TBL1X: variants seen among roughly 807,000 people sequenced by gnomAD.
TBL1X encodes the protein F-box-like/WD repeat-containing protein TBL1X.
In TBL1X, 10 loss-of-function variants were observed where a neutral mutation model predicts 50.7. That is an observed-to-expected ratio of 0.20 (90% CI 0.12 to 0.33). TBL1X has a LOEUF of 0.33. TBL1X is among the 10% of genes least tolerant of loss of function. The probability of loss-of-function intolerance (pLI) is 1.00; values close to 1 mark genes in which losing one functional copy is unlikely to be tolerated. For missense variants in TBL1X, 340 were observed against 504.4 expected (o/e 0.67, Z 3.12); for synonymous variants, 190 against 214.7 (o/e 0.88, Z 1.01).
chrX:9,670,269 A>G (rs939153730), intron 5 of TBL1X, among the ~76,000 whole-genome samples: 1 of 110,912 alleles, frequency 9.0e-6, no homozygotes, highest in Non-Finnish European at 1.9e-5. Context: ...CCTGCGAACA[A>G]CCGGTCCTGT....
At chrX:9,486,155 T>C (rs1334561856) in intron 1 of TBL1X, among the ~76,000 whole-genome samples, 1 of 111,246 alleles carries the variant, frequency 9.0e-6, no homozygotes, top group East Asian at 2.8e-4. Context: ...TGAAGCCTGC[T>C]ACCTGGAGGC....
intron 2 of TBL1X, among the ~76,000 whole-genome samples, chrX:9,594,162 A>G (rs2082516409): frequency 8.9e-6 from 1 of 112,915 alleles, no homozygotes; most frequent in African/African-American, 3.2e-5. Flanking sequence ...TGCGTCACAC[A>G]TAGAGTGGCT....
chrX:9,592,057 A>T (rs1382466905), intron 2 of TBL1X, among the ~76,000 whole-genome samples: 1 of 112,244 alleles, frequency 8.9e-6, no homozygotes, highest in Non-Finnish European at 1.9e-5. Flanking sequence ...TCCCTTAAAC[A>T]TCTTTACATT....
chrX:9,678,194 G>C (rs57805799), intron 5 of TBL1X, among the ~76,000 whole-genome samples: 20,092 of 110,946 alleles, frequency 0.18, 1,432 homozygotes, highest in Non-Finnish European at 0.22. Context: ...TCTGTGGTTG[G>C]TTGATTTGGT....
chrX:9,573,675 CT>C (rs1228359711), intron 2 of TBL1X, among the ~76,000 whole-genome samples: 1 of 112,497 alleles, frequency 8.9e-6, no homozygotes, highest in Non-Finnish European at 1.9e-5. Context: ...CCTGTGCCAC[CT>C]GTGGTTTGGT....
chrX:9,500,890 A>G (rs1385951607), intron 1 of TBL1X, among the ~76,000 whole-genome samples: 3 of 111,870 alleles, frequency 2.7e-5, no homozygotes, highest in Non-Finnish European at 1.9e-5. Flanking sequence ...TGGTTGTGAC[A>G]CTGGGTTAAG....
At chrX:9,609,800 T>C (rs1412577446) in intron 2 of TBL1X, among the ~76,000 whole-genome samples, 3 of 112,041 alleles carry the variant, frequency 2.7e-5, no homozygotes, top group Non-Finnish European at 3.8e-5. Flanking sequence ...TCTTTATTTT[T>C]CCCCTTGCAT....
intron 5 of TBL1X, among the ~76,000 whole-genome samples, chrX:9,667,810 C>T (rs762441875): frequency 4.5e-5 from 5 of 111,539 alleles, no homozygotes; most frequent in South Asian, 3.8e-4. Flanking sequence ...TTTTTTCCTT[C>T]GTAAAATTTT....
At chrX:9,568,942 C>G (rs1411309842) in intron 2 of TBL1X, among the ~76,000 whole-genome samples, 1 of 96,744 alleles carries the variant, frequency 1.0e-5, no homozygotes, top group East Asian at 3.3e-4. Context: ...TCTCTCTGCA[C>G]GGTGCACTGT....
intron 15 of TBL1X, among the ~76,000 whole-genome samples, chrX:9,710,216 CAAA>C (rs35056016): frequency 4.4e-4 from 24 of 55,118 alleles, no homozygotes; most frequent in South Asian, 2.4e-3. Context: ...GACCATGTCT[CAAA>C]AAAAAAAAAA....
intron 9 of TBL1X, 68 bp downstream of exon 9, chrX:9,692,322 C>T (rs1449525071): frequency 2.7e-6 from 3 of 1,124,675 alleles, no homozygotes; most frequent in Admixed American, 3.0e-5. Context: ...GCAGGGGCTG[C>T]AGCAATGGAG....
chrX:9,711,497 C>A, intron 15 of TBL1X, 114 bp from the exon 16 acceptor site: 1 of 755,001 alleles, frequency 1.3e-6, no homozygotes, highest in Non-Finnish European at 1.8e-6. Context: ...TAGTTATTAT[C>A]TTTTGAAACG....
At chrX:9,650,030 A>G (rs1026876903) in intron 3 of TBL1X, among the ~76,000 whole-genome samples, 10 of 112,200 alleles carry the variant, frequency 8.9e-5, no homozygotes, top group African/African-American at 3.2e-4. Flanking sequence ...AGCTGAAGCA[A>G]TCCTCCCATC....
intron 11 of TBL1X, among the ~76,000 whole-genome samples, chrX:9,696,566 A>G (rs190788458): frequency 8.9e-6 from 1 of 112,756 alleles, no homozygotes; most frequent in Admixed American, 9.4e-5. Flanking sequence ...GGAGAACTCA[A>G]CCTTTCTACT....
In TBL1X at chrX:9,692,207, G is replaced by A; in HGVS notation, c.844G>A (p.Gly282Ser). 4.2e-6 allele frequency: 5 copies of A among 1,203,759 alleles called. No individual in the cohort carries two copies. The highest frequency in any genetic ancestry group is 5.6e-6 in the Non-Finnish European group (5 of 892,884). Residue 282 changes from glycine to serine, a missense_variant, in exon 9 of 18, where the codon GGC becomes AGC. This residue lies in a region of TBL1X where 170 missense variants were observed against 272.6 expected (regional missense o/e 0.62). Transcript: ENST00000645353. The part of the protein sequence containing the change: ...LVLRHCIREG[G>S]HDVPSNKDVT... ...GTTGAGGCACTGTATACGAGAGGGG[G>A]GCCATGACGTCCCGAGTAACAAAGA...
chrX:9,491,306 TTATATATATATA>T (rs757466880), intron 1 of TBL1X, among the ~76,000 whole-genome samples: 56 of 51,868 alleles, frequency 1.1e-3, no homozygotes, highest in African/African-American at 2.6e-3. Flanking sequence ...GCCAGTATAT[TTATATATATATA>T]TATATATATA....
intron 2 of TBL1X, among the ~76,000 whole-genome samples, chrX:9,584,491 G>C (rs2082458502): frequency 8.9e-6 from 1 of 112,104 alleles, no homozygotes; most frequent in Non-Finnish European, 1.9e-5. Context: ...TATATGGGCT[G>C]GTCTAGGTAG....
Position 9,522,377 on chromosome X carries a change from C to T in TBL1X, c.-131+20528C>T, listed in dbSNP as rs776208711. On this transcript the variant is annotated intron_variant, in intron 2 of 17. Transcript: ENST00000645353. ...GTGTCTTGGACAGAGCAGGTTAGCC[C>T]GTGAGACTCTCTGGTCCTTGAGTGA... Among the ~76,000 whole-genome samples, 13 of 111,276 alleles carry T rather than the reference C, an allele frequency of 1.2e-4. No homozygotes were observed. In the East Asian group the frequency reaches 2.0e-3, roughly 17 times the overall value.
At chrX:9,688,301 G>A (rs200158006) in intron 7 of TBL1X, 26 bp downstream of exon 7, 1,640 of 1,106,002 alleles carry the variant, frequency 1.5e-3, no homozygotes, top group Middle Eastern at 5.8e-3. Context: ...CTGGGAGTTC[G>A]GTGGGCCTCT....
Sources: allele counts gnomAD v4.1 joint callset (sites outside exome capture counted in the v4.1 genomes callset), GRCh38; gene constraint gnomAD v4.1.1; regional missense constraint gnomAD v4.1.1; transcripts MANE v1.5; gene names NCBI Gene and HGNC (gene_info 2026-07-23, HGNC 2026-07-21).